Variants in ATRNL1 observed in about 807,000 individuals in gnomAD.
ATRNL1 encodes attractin like 1, also known as attractin-like protein 1.
Under a neutral mutation model 182.7 loss-of-function variants are expected in ATRNL1, and 95 were observed. The ratio of observed to expected loss-of-function variants is 0.52; its 90% CI spans 0.44 to 0.62. The LOEUF (loss-of-function observed/expected upper bound fraction) is 0.62. ATRNL1 is among the 20% of genes least tolerant of loss of function. ATRNL1 has a pLI of 0.00. For missense variants in ATRNL1, 1,471 were observed against 1,679.5 expected, an observed-to-expected ratio of 0.88 and a Z score of 2.17; for synonymous variants, 576 against 568.3, an observed-to-expected ratio of 1.01 and a Z score of -0.19.
intron 26 of ATRNL1, among the ~76,000 whole-genome samples, chr10:115,552,190 C>A (rs1554995724): frequency 6.6e-6 from 1 of 151,204 alleles, no homozygotes; most frequent in Non-Finnish European, 1.5e-5. Context: ...GATTTTTAAC[C>A]ACACTAGTTG....
chr10:115,244,462 G>C (rs553697642), intron 10 of ATRNL1, among the ~76,000 whole-genome samples: 2 of 151,988 alleles, frequency 1.3e-5, no homozygotes, highest in African/African-American at 4.8e-5. Flanking sequence ...AATAACTTAC[G>C]TAATCAGATT....
intron 26 of ATRNL1, among the ~76,000 whole-genome samples, chr10:115,724,017 C>G (rs942887041): frequency 1.3e-5 from 2 of 151,212 alleles, no homozygotes; most frequent in Admixed American, 6.7e-5. Flanking sequence ...GTATTATGAT[C>G]AATTTGTTCT....
chr10:115,490,400 A>G (rs1222918112), intron 24 of ATRNL1, among the ~76,000 whole-genome samples: 1 of 151,672 alleles, frequency 6.6e-6, no homozygotes, highest in Non-Finnish European at 1.5e-5. Context: ...ATAATCCCTT[A>G]TTTCTTGGAG....
chr10:115,094,258 G>A (rs371758903), intron 1 of ATRNL1, among the ~76,000 whole-genome samples: 1 of 152,082 alleles, frequency 6.6e-6, no homozygotes, highest in African/African-American at 2.4e-5. Flanking sequence ...CCCGCGCGGA[G>A]CCCTGACCAA....
At chr10:115,452,848 C>G (rs1847344130) in intron 21 of ATRNL1, among the ~76,000 whole-genome samples, 1 of 152,064 alleles carries the variant, frequency 6.6e-6, no homozygotes, top group Admixed American at 6.6e-5. Flanking sequence ...TTCCCCTTTT[C>G]TTTCTCCCTA....
At chr10:115,445,557 TTACC>T (rs1183790288) in intron 21 of ATRNL1, among the ~76,000 whole-genome samples, 1 of 133,060 alleles carries the variant, frequency 7.5e-6, no homozygotes, top group African/African-American at 2.9e-5. Context: ...GTGTGTACAC[TTACC>T]TACATGGACA....
chr10:115,296,827 T>C (rs1330167555), intron 15 of ATRNL1, among the ~76,000 whole-genome samples: 1 of 152,254 alleles, frequency 6.6e-6, no homozygotes, highest in African/African-American at 2.4e-5. Flanking sequence ...TCATTTGGTA[T>C]ACATTTATTA....
chr10:115,820,012 C>T (rs1950255209), intron 27 of ATRNL1: 1 of 152,072 alleles, frequency 6.6e-6, no homozygotes, highest in South Asian at 2.1e-4. Flanking sequence ...TCTAACACTG[C>T]TGTGTTACTA....
chr10:115,363,576 G>T (rs1163442007), intron 19 of ATRNL1, among the ~76,000 whole-genome samples: 1 of 148,848 alleles, frequency 6.7e-6, no homozygotes, highest in African/African-American at 2.5e-5. Context: ...TGGTGTTTTG[G>T]ACATGAAGTC....
intron 26 of ATRNL1, among the ~76,000 whole-genome samples, chr10:115,630,741 A>G (rs1381695160): frequency 1.4e-5 from 2 of 147,706 alleles, no homozygotes; most frequent in Non-Finnish European, 3.0e-5. Flanking sequence ...TCATATATCT[A>G]TATTTAAGAT....
chr10:115,682,226 C>T (rs1593059890), intron 26 of ATRNL1, among the ~76,000 whole-genome samples: 2 of 152,188 alleles, frequency 1.3e-5, no homozygotes, highest in South Asian at 2.1e-4. Flanking sequence ...CCTTTGTTTC[C>T]TAATCTGTGA....
At chr10:115,323,887 C>T (rs1312472373) in intron 18 of ATRNL1, among the ~76,000 whole-genome samples, 1 of 152,082 alleles carries the variant, frequency 6.6e-6, no homozygotes, top group Non-Finnish European at 1.5e-5. Flanking sequence ...ACGCCATTCT[C>T]CTGCCTCAGC....
chr10:115,785,527 T>C (rs1555080226), intron 27 of ATRNL1, among the ~76,000 whole-genome samples: 1 of 152,242 alleles, frequency 6.6e-6, no homozygotes, highest in African/African-American at 2.4e-5. Context: ...TCTGTGCCAT[T>C]ATGCAAGAAG....
intron 1 of ATRNL1, among the ~76,000 whole-genome samples, chr10:115,098,973 A>G (rs2085090322): frequency 6.6e-6 from 1 of 152,222 alleles, no homozygotes; most frequent in Non-Finnish European, 1.5e-5. Flanking sequence ...AAATTATACA[A>G]TTTGATAAGT....
chr10:115,671,703 T>G (rs1188013836), intron 26 of ATRNL1, among the ~76,000 whole-genome samples: 6 of 152,094 alleles, frequency 3.9e-5, no homozygotes, highest in African/African-American at 1.4e-4. Flanking sequence ...AGGGAACAAT[T>G]TGGGCAGCCT....
chr10:115,448,189 T>C (rs1461604603), intron 21 of ATRNL1, among the ~76,000 whole-genome samples: 1 of 152,174 alleles, frequency 6.6e-6, no homozygotes, highest in Non-Finnish European at 1.5e-5. Context: ...TATCTTCTCA[T>C]AGTCTATGAC....
chr10:115,133,285 G>A (rs113832958), intron 5 of ATRNL1, among the ~76,000 whole-genome samples: 1 of 152,000 alleles, frequency 6.6e-6, no homozygotes, highest in African/African-American at 2.4e-5. Flanking sequence ...TGTTCCATTG[G>A]TCTATATCTC....
chr10:115,109,526 C>A (rs546007718), intron 1 of ATRNL1, among the ~76,000 whole-genome samples: 1 of 152,288 alleles, frequency 6.6e-6, no homozygotes, highest in Admixed American at 6.5e-5. Flanking sequence ...TTAATCCATT[C>A]ATGAGGGCTA....
At position 115,549,525 on chromosome 10, in the gene ATRNL1, C is replaced by T; in HGVS notation, c.3784C>T (p.Arg1262Ter). The change falls in exon 26 of 29, where the codon CGA becomes TGA. Residue 1262 changes from arginine to a stop codon, truncating the protein, a stop_gained. Transcript: ENST00000355044. LOFTEE classifies it high-confidence loss of function. ...GATCAAACAAACTTGTTGGGCTTCT[C>T]GACGGAGAGAGGTATCAGTAATATT... Reference protein sequence around the residue: ...WKIKQTCWASRRREQLLRERQ... With the variant: ...WKIKQTCWAS 2 of 1,590,838 alleles carry T rather than the reference C, an allele frequency of 1.3e-6. No individual in the cohort carries two copies. The highest frequency in any genetic ancestry group is 8.6e-7 in the Non-Finnish European group (1 of 1,167,214).
Sources: gnomAD v4.1 joint callset for allele counts (sites outside exome capture counted in the v4.1 genomes callset) on GRCh38, gnomAD v4.1.1 for gene constraint, MANE v1.5 for transcripts, NCBI Gene and HGNC (gene_info 2026-07-23, HGNC 2026-07-21) for gene names.